The following ZNF638 variants were observed in gnomAD, a reference collection of about 807,000 sequenced individuals.
ZNF638 encodes the protein CTCL tumor antigen se33-1.
A neutral mutation model predicts 195.6 loss-of-function variants in ZNF638; 46 were observed. The ratio of observed to expected loss-of-function variants is 0.24; its 90% CI spans 0.19 to 0.30. The LOEUF is 0.30. Among genes scored for constraint, ZNF638 ranks in the 10% least tolerant of loss-of-function variants. The pLI is 1.00. For missense variants in ZNF638, 2,440 were observed against 2,325.3 expected, an observed-to-expected ratio of 1.05 and a Z score of -1.01; for synonymous variants, 845 against 772.0, an observed-to-expected ratio of 1.09 and a Z score of -1.57.
rs1277341159 is a variant in ZNF638, at chr2:71,349,978, A to G, written c.1024A>G (p.Ile342Val). The G allele has an allele frequency of 1.9e-6, 3 of 1,614,108 alleles. No homozygotes were observed. The highest frequency in any genetic ancestry group is 2.5e-6 in the Non-Finnish European group (3 of 1,180,046). Residue 342 changes from isoleucine (I) to valine (V), a missense_variant, in exon 2 of 28, where the codon ATT (isoleucine) becomes GTT (valine). By Grantham distance (29) the Ile-to-Val change is conservative. Transcript: ENST00000264447. ...MNQQPFSSEL[I>V]SSVSQQERIP... Reference sequence around the variant, plus strand: ...CCAGCAACCTTTTTCGTCGGAATTAATTTCATCTGTAAGCCAGCAAGAGCG... The same window carrying G: ...CCAGCAACCTTTTTCGTCGGAATTAGTTTCATCTGTAAGCCAGCAAGAGCG...
intron 2 of ZNF638, 60 bp from the exon 3 acceptor site, chr2:71,355,659 T>G: frequency 9.0e-7 from 1 of 1,112,296 alleles, no homozygotes; most frequent in Non-Finnish European, 1.3e-6. Flanking sequence ...TTTAAAAGCC[T>G]AATTCATTAG....
chr2:71,336,578 A>G (rs2078674740), intron 1 of ZNF638, among the ~76,000 whole-genome samples: 1 of 152,312 alleles, frequency 6.6e-6, no homozygotes, highest in Non-Finnish European at 1.5e-5. Flanking sequence ...GCATTTTTTG[A>G]GCACCTGTTG....
chr2:71,433,078 C>T, intron 26 of ZNF638, 87 bp from the exon 27 acceptor site: 3 of 1,090,398 alleles, frequency 2.8e-6, no homozygotes, highest in Non-Finnish European at 4.1e-6. Flanking sequence ...CAGAGTGAGA[C>T]TCCGTCTCAA....
chr2:71,348,138 C>G (rs1386668864), intron 1 of ZNF638, among the ~76,000 whole-genome samples: 1 of 152,200 alleles, frequency 6.6e-6, no homozygotes, highest in Non-Finnish European at 1.5e-5. Context: ...TATGTTATAA[C>G]GAATTCCATG....
intron 3 of ZNF638, 145 bp downstream of exon 3, chr2:71,355,925 G>A: frequency 4.4e-6 from 2 of 458,200 alleles, no homozygotes; most frequent in Non-Finnish European, 7.6e-6. Context: ...TTAGTTTTCT[G>A]GAAGTATATT....
intron 1 of ZNF638, among the ~76,000 whole-genome samples, chr2:71,345,690 A>G (rs1233425731): frequency 1.3e-5 from 2 of 151,698 alleles, no homozygotes; most frequent in African/African-American, 4.8e-5. Context: ...TTTTTTGTAG[A>G]GACAGGATTT....
intron 1 of ZNF638, among the ~76,000 whole-genome samples, chr2:71,346,847 C>G (rs1196900179): frequency 2.0e-5 from 3 of 152,086 alleles, no homozygotes; most frequent in African/African-American, 7.2e-5. Context: ...TGACGAAACC[C>G]CATCTCTACT....
intron 2 of ZNF638, among the ~76,000 whole-genome samples, chr2:71,353,183 T>G (rs887701418): frequency 2.6e-5 from 4 of 152,220 alleles, no homozygotes; most frequent in Non-Finnish European, 5.9e-5. Context: ...ATATGTATAT[T>G]CCCCACCTTC....
At chr2:71,331,961 G>C in intron 1 of ZNF638, 86 bp downstream of exon 1, 1 of 980,732 alleles carries the variant, frequency 1.0e-6, no homozygotes, top group Non-Finnish European at 1.2e-6. Flanking sequence ...GTGAGATCCG[G>C]GCCGACTATT....
At chr2:71,422,462 T>TCATATTTTATTATTCCCA (rs1321370820) in intron 21 of ZNF638, among the ~76,000 whole-genome samples, 1 of 152,216 alleles carries the variant, frequency 6.6e-6, no homozygotes, top group Non-Finnish European at 1.5e-5. Context: ...TTATTTCAGT[T>TCATATTTTATTATTCCCA]ACCACTGTTG....
intron 16 of ZNF638, among the ~76,000 whole-genome samples, chr2:71,403,497 A>G (rs578254227): frequency 1.4e-4 from 22 of 152,242 alleles, no homozygotes; most frequent in African/African-American, 2.6e-4. Context: ...TATTTTATCA[A>G]TTTATTTACT....
intron 23 of ZNF638, 126 bp from the exon 24 acceptor site, chr2:71,426,334 T>A: frequency 1.4e-6 from 1 of 701,856 alleles, no homozygotes; most frequent in Non-Finnish European, 2.3e-6. Flanking sequence ...AATTTTAGCC[T>A]TTAGGAAAAC....
intron 1 of ZNF638, chr2:71,334,394 G>C (rs1244443724): frequency 6.6e-6 from 1 of 152,166 alleles, no homozygotes; most frequent in Non-Finnish European, 1.5e-5. Context: ...GCCATGTAGT[G>C]GTTTTAGAGA....
intron 8 of ZNF638, among the ~76,000 whole-genome samples, chr2:71,377,674 T>C (rs2079457205): frequency 6.6e-6 from 1 of 152,244 alleles, no homozygotes; most frequent in African/African-American, 2.4e-5. Flanking sequence ...GTGATCCTAC[T>C]CTTGGTGTGA....
intron 10 of ZNF638, among the ~76,000 whole-genome samples, chr2:71,381,682 G>C (rs2079537351): frequency 6.6e-6 from 1 of 152,088 alleles, no homozygotes; most frequent in Admixed American, 6.5e-5. Flanking sequence ...GGGTAAAAAG[G>C]TTTGGGGTGT....
chr2:71,387,809 A>G (rs1236672251), intron 10 of ZNF638, among the ~76,000 whole-genome samples: 1 of 152,234 alleles, frequency 6.6e-6, no homozygotes, highest in Non-Finnish European at 1.5e-5. Context: ...TCAGGAAGAC[A>G]TTTGACTACA....
In ZNF638 at chr2:71,423,114, A is replaced by T. The variant is rs953366533; in HGVS notation, c.3600A>T (p.Leu1200Phe). 1 of 1,614,152 alleles carries T rather than the reference A, an allele frequency of 6.2e-7. No homozygotes were observed. The highest frequency in any genetic ancestry group is 1.3e-5 in the African/African-American group (1 of 75,060). ...CTGAAAATGCCGAGGAGTGTGCTTT[A>T]AATCAGCAGATGTTTAACAGTGACT... ...QFTENAEECA[L>F]NQQMFNSDLE... The change falls in exon 22 of 28, where the codon TTA (leucine) becomes TTT (phenylalanine). Residue 1200 changes from leucine (L) to phenylalanine (F), a missense_variant. Physicochemically the swap from Leu to Phe is conservative, Grantham distance 22. This residue lies in a region of ZNF638 where 1,883 missense variants were observed against 1,739.1 expected (regional missense o/e 1.08). Coordinates refer to ENST00000264447, the MANE Select transcript of ZNF638 (RefSeq NM_014497.5).
At chr2:71,417,195 G>T (rs2080315075) in intron 20 of ZNF638, among the ~76,000 whole-genome samples, 1 of 151,880 alleles carries the variant, frequency 6.6e-6, no homozygotes, top group Admixed American at 6.6e-5. Context: ...CGTTTCTTAA[G>T]CTGGTCTGAA....
Position 71,380,287 on chromosome 2 carries a change from G to A in ZNF638, c.2324+7G>A. ...TATCTGCATCTACCTTAAAGTAAGT[G>A]ACTTTATGATTTCATATGTGAGAAT... On this transcript the variant is annotated splice_region_variant and intron_variant, in intron 9 of 27. Coordinates refer to ENST00000264447, the MANE Select transcript of ZNF638 (RefSeq NM_014497.5). 1 of 1,544,256 alleles carries A rather than the reference G, an allele frequency of 6.5e-7. No homozygotes were observed. The highest frequency in any genetic ancestry group is 8.7e-7 in the Non-Finnish European group (1 of 1,146,490).
Sources: allele counts gnomAD v4.1 joint callset (sites outside exome capture counted in the v4.1 genomes callset), GRCh38; gene constraint gnomAD v4.1.1; regional missense constraint gnomAD v4.1.1; transcripts MANE v1.5; gene names NCBI Gene and HGNC (gene_info 2026-07-23, HGNC 2026-07-21).